FBXO34: variants seen among roughly 807,000 people sequenced by gnomAD.
FBXO34 encodes F-box only protein 34.
FBXO34 carries 12 observed loss-of-function variants against 24.5 expected under a neutral mutation model. The ratio of observed to expected loss-of-function variants is 0.49; its 90% CI spans 0.31 to 0.79. FBXO34 has a LOEUF of 0.79. FBXO34 is among the 30% of genes least tolerant of loss of function. The pLI, the probability that FBXO34 is intolerant of heterozygous loss-of-function variation, is 0.04. For missense variants in FBXO34, 823 were observed against 857.7 expected, an observed-to-expected ratio of 0.96 and a Z score of 0.51; for synonymous variants, 320 against 311.9, an observed-to-expected ratio of 1.03 and a Z score of -0.27.
the FBXO34 span, chr14:55,411,461 A>T: frequency 1.2e-6 from 1 of 838,132 alleles, no homozygotes; most frequent in Non-Finnish European, 1.8e-6. Flanking sequence ...TCCGGTGCAG[A>T]GCAGCTAGCT....
the FBXO34 span, chr14:55,380,665 G>T: frequency 6.2e-7 from 1 of 1,609,926 alleles, no homozygotes; most frequent in African/African-American, 1.3e-5. Flanking sequence ...CACTGATGGT[G>T]TAGGCAGGGT....
chr14:55,380,525 C>T, the FBXO34 span: 1 of 1,252,096 alleles, frequency 8.0e-7, no homozygotes, highest in Non-Finnish European at 1.2e-6. Flanking sequence ...AAAATAGAAA[C>T]TTGAAAGAGC....
chr14:55,296,759 C>G (rs1164427482), intron 1 of FBXO34, among the ~76,000 whole-genome samples: 1 of 152,118 alleles, frequency 6.6e-6, no homozygotes, highest in Non-Finnish European at 1.5e-5. Context: ...GTAGTGGAAA[C>G]AGTCTTCCCC....
downstream of FBXO34, among the ~76,000 whole-genome samples, chr14:55,364,239 A>T (rs1428253964): frequency 6.6e-6 from 1 of 151,486 alleles, no homozygotes; most frequent in African/African-American, 2.4e-5. Context: ...GTGAGCCACC[A>T]CGCCCAGCTA....
chr14:55,408,534 G>A, the FBXO34 span, among the ~76,000 whole-genome samples: 1 of 152,134 alleles, frequency 6.6e-6, no homozygotes, highest in African/African-American at 2.4e-5. Flanking sequence ...CACTTTGGGA[G>A]GCTGAGGCAG....
chr14:55,407,364 T>A, the FBXO34 span, among the ~76,000 whole-genome samples: 1 of 152,134 alleles, frequency 6.6e-6, no homozygotes, highest in Non-Finnish European at 1.5e-5. Context: ...CTCTTGACCT[T>A]GTAATCTGCC....
chr14:55,413,539 A>T, the FBXO34 span: 7 of 395,168 alleles, frequency 1.8e-5, no homozygotes, highest in Non-Finnish European at 3.0e-5. Flanking sequence ...ACAGTTCAGA[A>T]TTTTTTTTGA....
chr14:55,275,875 A>C (rs1881324274), intron 1 of FBXO34, among the ~76,000 whole-genome samples: 1 of 146,308 alleles, frequency 6.8e-6, no homozygotes, highest in Admixed American at 6.8e-5. Flanking sequence ...GATTGGCCAG[A>C]GGTGTTAGTT....
intron 1 of FBXO34, among the ~76,000 whole-genome samples, chr14:55,297,891 G>A (rs1290040607): frequency 6.6e-6 from 1 of 152,196 alleles, no homozygotes; most frequent in Admixed American, 6.5e-5. Context: ...TAGGATGTTA[G>A]GGAAGCTTTC....
At chr14:55,377,826 G>A in the FBXO34 span, 2 of 1,577,854 alleles carry the variant, frequency 1.3e-6, no homozygotes, top group African/African-American at 2.8e-5. Context: ...TACCTGCCTA[G>A]GTGTTCAGAG....
intron 1 of FBXO34, among the ~76,000 whole-genome samples, chr14:55,333,702 T>C (rs1330228224): frequency 6.8e-6 from 1 of 146,750 alleles, no homozygotes; most frequent in African/African-American, 2.6e-5. Flanking sequence ...GGAATTTTGT[T>C]AGTGCTAATG....
intron 1 of FBXO34, among the ~76,000 whole-genome samples, chr14:55,313,136 C>A (rs546347453): frequency 2.6e-5 from 4 of 152,176 alleles, no homozygotes. Context: ...CTAAGCTTTG[C>A]GGCGTAAACA....
chr14:55,277,632 A>T (rs1271000894), intron 1 of FBXO34, among the ~76,000 whole-genome samples: 2 of 152,182 alleles, frequency 1.3e-5, no homozygotes, highest in Non-Finnish European at 2.9e-5. Context: ...ACTGGCATGT[A>T]CCACGGGCTT....
the FBXO34 span, among the ~76,000 whole-genome samples, chr14:55,435,325 G>A: frequency 1.3e-5 from 2 of 151,068 alleles, no homozygotes; most frequent in African/African-American, 4.9e-5. Context: ...ACCCAGGCTG[G>A]AATGTAATGG....
At chr14:55,391,036 T>C in the FBXO34 span, 3 of 1,338,614 alleles carry the variant, frequency 2.2e-6, no homozygotes, top group African/African-American at 1.5e-5. Flanking sequence ...TGGTCTCTTA[T>C]GGTTAATATG....
At chr14:55,309,905 A>G (rs1273517745) in intron 1 of FBXO34, among the ~76,000 whole-genome samples, 2 of 152,168 alleles carry the variant, frequency 1.3e-5, no homozygotes, top group Admixed American at 6.5e-5. Flanking sequence ...TGGGATTTGC[A>G]TTGAGTTACA....
the FBXO34 span, among the ~76,000 whole-genome samples, chr14:55,393,069 T>C: frequency 6.6e-6 from 1 of 152,214 alleles, no homozygotes; most frequent in Non-Finnish European, 1.5e-5. Context: ...AATTCACTTC[T>C]ATCACAAATT....
intron 1 of FBXO34, chr14:55,298,824 A>G: frequency 6.2e-7 from 1 of 1,612,574 alleles, no homozygotes; most frequent in Non-Finnish European, 8.5e-7. Context: ...GAAGCGTAAG[A>G]AGAGGTATGA....
the FBXO34 span, chr14:55,411,918 G>GGGGAAGGGGGGCTGGGATC: frequency 7.5e-4 from 899 of 1,204,250 alleles, 2 homozygotes; most frequent in Non-Finnish European, 9.5e-4. Flanking sequence ...GGGCTGGGAT[G>GGGGAAGGGGGGCTGGGATC]CCGGCGAGCC....
Sources: allele counts gnomAD v4.1 joint callset (sites outside exome capture counted in the v4.1 genomes callset), GRCh38; gene constraint gnomAD v4.1.1; transcripts MANE v1.5; gene names NCBI Gene and HGNC (gene_info 2026-07-23, HGNC 2026-07-21).